The following VPS51 variants were observed in gnomAD, a reference collection of about 807,000 sequenced individuals.
The protein encoded by VPS51 is vacuolar protein sorting-associated protein 51 homolog.
A neutral mutation model predicts 65.1 loss-of-function variants in VPS51; 55 were observed. The ratio of observed to expected loss-of-function variants is 0.84; its 90% CI spans 0.68 to 1.06. The LOEUF is 1.06. Ranked by LOEUF, VPS51 falls within the 50% of genes least tolerant of loss-of-function variation. VPS51 has a pLI of 0.00. For synonymous variants in VPS51, 473 were observed against 489.5 expected, an observed-to-expected ratio of 0.97 and a Z score of 0.44; for missense variants, 943 against 1,101.6, an observed-to-expected ratio of 0.86 and a Z score of 2.04.
Position 65,111,480 on chromosome 11 carries a change from C to T in VPS51, c.2242C>T (p.Leu748Phe), listed in dbSNP as rs539373179. The change falls in exon 10 of 10, where the codon CTC becomes TTC. Residue 748 changes from leucine (L) to phenylalanine (F), a missense_variant. Transcript: ENST00000279281. Reference sequence around the variant, plus strand: ...GTGGCGTTTTGTGGCCGACGAAGAACTCGTGCACTTGCTGCTGGACGAAGT... The same window carrying T: ...GTGGCGTTTTGTGGCCGACGAAGAATTCGTGCACTTGCTGCTGGACGAAGT... Reference protein sequence around the residue: ...YLWRFVADEELVHLLLDEVVA... With the variant: ...YLWRFVADEEFVHLLLDEVVA... 8.1e-6 allele frequency: 13 copies of T among 1,613,968 alleles called. No homozygotes were observed. The South Asian group carries it at 1.3e-4, about 16-fold the overall frequency.
intron 2 of VPS51, among the ~76,000 whole-genome samples, chr11:65,101,059 G>C (rs768580354): frequency 6.6e-6 from 1 of 152,062 alleles, no homozygotes; most frequent in African/African-American, 2.4e-5. Flanking sequence ...ATTCTGTAGC[G>C]AATAGACAAA....
At chr11:65,111,000 C>G in intron 9 of VPS51, 1 of 668,164 alleles carries the variant, frequency 1.5e-6, no homozygotes, top group East Asian at 2.7e-5. Context: ...CAGCCTGAGT[C>G]TGGGTGCTGA....
Position 65,111,483 on chromosome 11 carries a change from G to A in VPS51, c.2245G>A (p.Val749Met), listed in dbSNP as rs751397953. ...GCGTTTTGTGGCCGACGAAGAACTC[G>A]TGCACTTGCTGCTGGACGAAGTGGT... is the stretch of plus-strand genomic sequence containing the variant. ...LWRFVADEELVHLLLDEVVAS... is the reference protein window; with the variant it reads ...LWRFVADEELMHLLLDEVVAS... Residue 749 changes from valine (V) to methionine (M), a missense_variant, in exon 10 of 10, where the codon GTG becomes ATG. This residue lies in a region of VPS51 where 88 missense variants were observed against 147.8 expected (regional missense o/e 0.60). Coordinates refer to ENST00000279281, the MANE Select transcript of VPS51 (RefSeq NM_013265.4). 4.3e-6 allele frequency: 7 copies of A among 1,613,916 alleles called. No individual in the cohort carries two copies. Among genetic ancestry groups the A allele is most frequent in the South Asian group, 1.1e-5 (1 of 91,090 alleles).
intron 2 of VPS51, among the ~76,000 whole-genome samples, chr11:65,100,525 G>GTTT (rs36120079): frequency 2.7e-3 from 177 of 65,622 alleles, no homozygotes; most frequent in African/African-American, 4.6e-3. Context: ...TCATAGCAGT[G>GTTT]TTTTTTTTTT....
chr11:65,109,627 C>T, intron 6 of VPS51, 78 bp from the exon 7 acceptor site: 2 of 1,512,466 alleles, frequency 1.3e-6, no homozygotes, highest in African/African-American at 1.4e-5. Flanking sequence ...CCAATCTGTG[C>T]CCAGCTCCTG....
At chr11:65,097,275 G>A in intron 2 of VPS51, 148 bp downstream of exon 2, 2 of 1,248,658 alleles carry the variant, frequency 1.6e-6, no homozygotes, top group South Asian at 1.4e-5. Flanking sequence ...TTTCCTTTGA[G>A]CCTTCGTTGT....
At chr11:65,109,665 A>T in intron 6 of VPS51, 40 bp from the exon 7 acceptor site, 1 of 1,534,086 alleles carries the variant, frequency 6.5e-7, no homozygotes, top group Non-Finnish European at 8.8e-7. Context: ...AGCTGCCCCC[A>T]CCATACCCAC....
chr11:65,110,028 A>C, intron 7 of VPS51, 105 bp downstream of exon 7: 3 of 1,231,984 alleles, frequency 2.4e-6, no homozygotes, highest in South Asian at 1.4e-5. Context: ...TGCCTGGAGG[A>C]GGGGACATGT....
At chr11:65,096,518 G>GGGTGGGGGGGGGGGGC in intron 1 of VPS51, 40 bp downstream of exon 1, 2 of 499,406 alleles carry the variant, frequency 4.0e-6, no homozygotes, top group Non-Finnish European at 7.3e-6. Flanking sequence ...GGGGAGGGGG[G>GGGTGGGGGGGGGGGGC]AAGGGAACCA....
Position 65,097,091 on chromosome 11 carries a change from G to C in VPS51, c.322G>C (p.Val108Leu). The change falls in exon 2 of 10, where the codon GTC becomes CTC. Residue 108 changes from valine (V) to leucine (L), a missense_variant. Val to Leu is a conservative substitution (Grantham distance 32). Coordinates refer to ENST00000279281, the MANE Select transcript of VPS51 (RefSeq NM_013265.4). Reference sequence around the variant, plus strand: ...TCTAGACAGCGACATGCAGACCCTGGTCTATGAGAACTACAACAAGTTCAT... The same window carrying C: ...TCTAGACAGCGACATGCAGACCCTGCTCTATGAGAACTACAACAAGTTCAT... ...RALDSDMQTL[V>L]YENYNKFISA... is the part of the protein sequence containing the mutation. The C allele has an allele frequency of 6.2e-7, 1 of 1,613,970 alleles. No homozygotes were observed.
chr11:65,111,186 C>T, intron 9 of VPS51, 141 bp from the exon 10 acceptor site: 1 of 1,247,900 alleles, frequency 8.0e-7, no homozygotes, highest in Non-Finnish European at 1.1e-6. Flanking sequence ...TTGTATCCCT[C>T]CCTTCTTATC....
rs1947789262 is a variant in VPS51, at chr11:65,098,927, C to A, written c.358+1800C>A. Among the ~76,000 whole-genome samples, 3 of 152,316 alleles carry A rather than the reference C, an allele frequency of 2.0e-5. No individual in the cohort carries two copies. In the South Asian group the frequency reaches 6.2e-4, roughly 32 times the overall value. ...TGAGGGGCCGGGCATGGGGTTCTCACCCGTGATCCCAGCACTTTGGGAGGC... is the reference window on the plus strand; with the variant it reads ...TGAGGGGCCGGGCATGGGGTTCTCAACCGTGATCCCAGCACTTTGGGAGGC... On this transcript the variant is annotated intron_variant, in intron 2 of 9. Coordinates refer to ENST00000279281, the MANE Select transcript of VPS51 (RefSeq NM_013265.4).
In VPS51 at chr11:65,107,634, C is replaced by G; in HGVS notation, c.412C>G (p.Arg138Gly). The G allele has an allele frequency of 6.2e-7, 1 of 1,604,782 alleles. No homozygotes were observed. Among genetic ancestry groups the G allele is most frequent in the East Asian group, 2.2e-5 (1 of 44,556 alleles). The change falls in exon 3 of 10, where the codon CGG becomes GGG. Residue 138 changes from arginine to glycine, a missense_variant. Transcript: ENST00000279281. This position sits in a 1 kb window ranked among gnomAD's most constrained non-coding sequence, Gnocchi z 4.0. The stretch of plus-strand genomic sequence containing the variant: ...CCGGAAGATGGAGGATGAGATGGAC[C>G]GGCTGGCCACCAACATGGCAGTGAT... ...DFRKMEDEMD[R>G]LATNMAVITD...
At position 65,108,465 on chromosome 11, in the gene VPS51, G is replaced by A. The variant is rs763374483; in HGVS notation, c.994G>A (p.Ala332Thr). 6.2e-7 allele frequency: 1 copy of A among 1,609,958 alleles called. No individual in the cohort carries two copies. Among genetic ancestry groups the A allele is most frequent in the South Asian group, 1.1e-5 (1 of 90,974 alleles). The change falls in exon 5 of 10, where the codon GCA (alanine) becomes ACA (threonine). Residue 332 changes from alanine (A) to threonine (T), a missense_variant. Around this residue, in one of 2 missense-constraint regions of VPS51, gnomAD observed 855 missense variants for 953.7 expected, o/e 0.90. Transcript: ENST00000279281. ...GGAGCTGTTTGCGGCCCAGGGCCCAGCAGGTGCCGAGAAGCTGGCGGCCTT... is the reference window on the plus strand; with the variant it reads ...GGAGCTGTTTGCGGCCCAGGGCCCAACAGGTGCCGAGAAGCTGGCGGCCTT... ...YQELFAAQGP[A>T]GAEKLAAFAR...
intron 2 of VPS51, among the ~76,000 whole-genome samples, chr11:65,098,621 G>GT (rs1292212180): frequency 6.6e-6 from 1 of 152,208 alleles, no homozygotes; most frequent in East Asian, 1.9e-4. Flanking sequence ...TCACAGTGGT[G>GT]GGTGTGGTAA....
At chr11:65,099,080 C>T (rs1947790464) in intron 2 of VPS51, among the ~76,000 whole-genome samples, 1 of 152,128 alleles carries the variant, frequency 6.6e-6, no homozygotes, top group South Asian at 2.1e-4. Context: ...CCAAGCTACT[C>T]ATGAGGCTGA....
rs747134833 is a variant in VPS51 at position 65,096,282 on chromosome 11, C to T, written c.32C>T (p.Pro11Leu). MAAAAAAGPS[P>L]GSGPGDSPEG... ...GCGGCAGCTGCCGCCGGGCCTAGCC[C>T]GGGGTCTGGACCTGGGGACTCCCCA... is the stretch of plus-strand genomic sequence containing the variant. The change falls in exon 1 of 10, where the codon CCG becomes CTG. Residue 11 changes from proline to leucine, a missense_variant. Transcript: ENST00000279281. The T allele has an allele frequency of 6.9e-5, 105 of 1,519,474 alleles. No individual in the cohort carries two copies. The highest frequency in any genetic ancestry group is 4.8e-4 in the Admixed American group (21 of 43,540). 94.1% of individuals were successfully genotyped at this position (1,519,474 alleles called of 1,614,324 possible).
chr11:65,110,058 GGCCAGTTCTGTA>G, intron 7 of VPS51, 135 bp downstream of exon 7: 1 of 996,590 alleles, frequency 1.0e-6, no homozygotes, highest in Non-Finnish European at 1.5e-6. Context: ...CTTCTCACGG[GGCCAGTTCTGTA>G]GCCAGGGCGT....
In VPS51 at chr11:65,096,227, C is replaced by A. The variant is rs910448379; in HGVS notation, c.-24C>A. On this transcript the variant is annotated 5_prime_UTR_variant, in exon 1 of 10. Transcript: ENST00000279281. ...CCCGTCCCCTTCCTTTCCAGCCTCACGCCCGTGGGCTGCAGTTGGAACGAT... is the reference window on the plus strand; with the variant it reads ...CCCGTCCCCTTCCTTTCCAGCCTCAAGCCCGTGGGCTGCAGTTGGAACGAT... 1.3e-6 allele frequency: 2 copies of A among 1,523,656 alleles called. No homozygotes were observed. Among genetic ancestry groups the A allele is most frequent in the East Asian group, 5.1e-5 (2 of 39,214 alleles). The allele number at this position is 1,523,656 out of a possible 1,614,324, so 94.4% of individuals were successfully genotyped here. A position where few individuals can be genotyped will look rare whatever the true frequency, so the allele number is the denominator to read the frequency against.
Sources: allele counts gnomAD v4.1 joint callset (sites outside exome capture counted in the v4.1 genomes callset), GRCh38; gene constraint gnomAD v4.1.1; regional missense constraint gnomAD v4.1.1; non-coding constraint Gnocchi (gnomAD v3.1); transcripts MANE v1.5; gene names NCBI Gene and HGNC (gene_info 2026-07-23, HGNC 2026-07-21).